Variants in KIAA1958 observed in about 807,000 individuals in gnomAD.
KIAA1958 encodes the protein uncharacterized protein KIAA1958.
A neutral mutation model predicts 47.2 loss-of-function variants in KIAA1958; 14 were observed. The ratio of observed to expected loss-of-function variants is 0.30; its 90% CI spans 0.20 to 0.46. The LOEUF is 0.46. KIAA1958 is among the 20% of genes least tolerant of loss of function. KIAA1958 has a pLI of 1.00. For missense variants in KIAA1958, 803 were observed against 909.2 expected (o/e 0.88, Z 1.50); for synonymous variants, 354 against 353.3 (o/e 1.00, Z -0.02).
chr9:112,580,557 C>T (rs1278250608), intron 2 of KIAA1958, among the ~76,000 whole-genome samples: 1 of 152,100 alleles, frequency 6.6e-6, no homozygotes, highest in East Asian at 1.9e-4. Flanking sequence ...GAGGCCAAGG[C>T]GAGTGGATCA....
In KIAA1958 at chr9:112,545,432, G is replaced by A. The variant is rs556668094; in HGVS notation, c.-24-28625G>A. Among the ~76,000 whole-genome samples the A allele has an allele frequency of 2.0e-4, 31 of 152,292 alleles. No homozygotes were observed. The East Asian group carries it at 5.4e-3, about 27-fold the overall frequency. On this transcript the variant is annotated intron_variant, in intron 1 of 3. Transcript: ENST00000337530. Reference sequence around the variant, plus strand: ...TGAGGGAGAATGGGAAAAAGAATAAGACTGGAAAGGAAGAAACTGTCAAGT... The same window carrying A: ...TGAGGGAGAATGGGAAAAAGAATAAAACTGGAAAGGAAGAAACTGTCAAGT...
At chr9:112,524,126 A>C (rs952316353) in intron 1 of KIAA1958, among the ~76,000 whole-genome samples, 6 of 152,256 alleles carry the variant, frequency 3.9e-5, no homozygotes, top group African/African-American at 1.4e-4. Context: ...CACAGACGTT[A>C]AGAGTTCTGA....
intron 1 of KIAA1958, among the ~76,000 whole-genome samples, chr9:112,542,821 T>G (rs922822248): frequency 4.6e-5 from 7 of 152,024 alleles, no homozygotes; most frequent in Admixed American, 6.5e-5. Flanking sequence ...ACTAAAGAAA[T>G]AAAGGTTCTT....
chr9:112,599,612 G>A (rs1836093940), intron 2 of KIAA1958, among the ~76,000 whole-genome samples: 1 of 152,174 alleles, frequency 6.6e-6, no homozygotes. Context: ...CTGAAAAGGA[G>A]AGCCATATGT....
chr9:112,643,279 A>T (rs1402640804), intron 2 of KIAA1958, among the ~76,000 whole-genome samples: 4 of 152,218 alleles, frequency 2.6e-5, no homozygotes, highest in Non-Finnish European at 5.9e-5. Context: ...TAATTTAAAC[A>T]GCCCAGTGCC....
At chr9:112,560,630 CTG>C (rs1279812251) in intron 1 of KIAA1958, among the ~76,000 whole-genome samples, 1 of 152,194 alleles carries the variant, frequency 6.6e-6, no homozygotes, top group Non-Finnish European at 1.5e-5. Context: ...CGTCACATAA[CTG>C]TATTTCAAGT....
chr9:112,630,578 TA>T (rs1836693131), intron 2 of KIAA1958, among the ~76,000 whole-genome samples: 1 of 152,246 alleles, frequency 6.6e-6, no homozygotes, highest in Non-Finnish European at 1.5e-5. Flanking sequence ...TAGTCAGATA[TA>T]ATTCTCCATG....
chr9:112,520,324 G>A (rs1288463760), intron 1 of KIAA1958, among the ~76,000 whole-genome samples: 2 of 152,154 alleles, frequency 1.3e-5, no homozygotes, highest in African/African-American at 4.8e-5. Flanking sequence ...CAAATAACTA[G>A]AGGCCAAATG....
In KIAA1958 at chr9:112,661,076, A is replaced by G. The variant is rs1837269163; in HGVS notation, c.*1007A>G. 7 of 152,196 alleles carry G rather than the reference A, an allele frequency of 4.6e-5. No homozygotes were observed. 9.4% of individuals were successfully genotyped at this position (152,196 alleles called of 1,614,324 possible). A position where few individuals can be genotyped will look rare whatever the true frequency, so the allele number is the denominator to read the frequency against. On this transcript the variant is annotated 3_prime_UTR_variant, in exon 4 of 4. Coordinates refer to ENST00000337530, the MANE Select transcript of KIAA1958 (RefSeq NM_133465.4). The stretch of plus-strand genomic sequence containing the variant: ...AAGCTGCAAAAAACACAGATCCCCA[A>G]ACTTTCTTTATTAAAGAGATTTGGA...
At position 112,660,173 on chromosome 9, in the gene KIAA1958, C is replaced by G. The variant is rs752507795; in HGVS notation, c.*104C>G. On this transcript the variant is annotated 3_prime_UTR_variant, in exon 4 of 4. Transcript: ENST00000337530. ...CAGGGGCTGACCAGGTGTGACCTCCCGGTCTGGCGGCTCTCCCCTGGTGTG... is the reference window on the plus strand; with the variant it reads ...CAGGGGCTGACCAGGTGTGACCTCCGGGTCTGGCGGCTCTCCCCTGGTGTG... 2 of 958,624 alleles carry G rather than the reference C, an allele frequency of 2.1e-6. No homozygotes were observed. The highest frequency in any genetic ancestry group is 2.5e-5 in the East Asian group (1 of 40,564). The allele number at this position is 958,624 out of a possible 1,614,324, so 59.4% of individuals were successfully genotyped here.
intron 2 of KIAA1958, among the ~76,000 whole-genome samples, chr9:112,602,031 TCAGG>T (rs1836141772): frequency 1.3e-5 from 2 of 152,194 alleles, no homozygotes; most frequent in Middle Eastern, 3.2e-3. Context: ...AGCTTACAAA[TCAGG>T]CTTCAATTAG....
intron 2 of KIAA1958, among the ~76,000 whole-genome samples, chr9:112,585,193 G>A (rs910422632): frequency 1.3e-5 from 2 of 152,158 alleles, no homozygotes; most frequent in Admixed American, 6.5e-5. Context: ...TGCTAGACTG[G>A]TGGAGATAAA....
intron 2 of KIAA1958, among the ~76,000 whole-genome samples, chr9:112,588,531 A>G (rs1037942724): frequency 1.3e-5 from 2 of 152,244 alleles, no homozygotes; most frequent in Non-Finnish European, 2.9e-5. Context: ...CGATTAAACT[A>G]TAATCCCCAG....
chr9:112,522,376 TA>T (rs1187637536), intron 1 of KIAA1958, among the ~76,000 whole-genome samples: 1 of 152,236 alleles, frequency 6.6e-6, no homozygotes, highest in Non-Finnish European at 1.5e-5. Context: ...TTATGCCTAA[TA>T]CTCCAGCAAT....
chr9:112,565,795 A>G (rs1351146718), intron 1 of KIAA1958, among the ~76,000 whole-genome samples: 2 of 152,238 alleles, frequency 1.3e-5, no homozygotes, highest in African/African-American at 4.8e-5. Flanking sequence ...TAATTCTGGA[A>G]AAATATTTTC....
intron 2 of KIAA1958, among the ~76,000 whole-genome samples, chr9:112,607,324 C>T (rs1408737395): frequency 2.0e-5 from 3 of 151,226 alleles, no homozygotes; most frequent in Non-Finnish European, 4.4e-5. Flanking sequence ...CACAGCAAAA[C>T]TCTGTCTCAA....
At chr9:112,651,038 A>C (rs1837047717) in intron 3 of KIAA1958, among the ~76,000 whole-genome samples, 1 of 152,222 alleles carries the variant, frequency 6.6e-6, no homozygotes, top group Admixed American at 6.5e-5. Context: ...ATGAAGCAAA[A>C]GATGATAAAA....
chr9:112,491,258 G>A (rs1288937058), intron 1 of KIAA1958, among the ~76,000 whole-genome samples: 3 of 152,168 alleles, frequency 2.0e-5, no homozygotes, highest in Non-Finnish European at 4.4e-5. Context: ...GAACCACCAC[G>A]TCCAGCCATA....
chr9:112,536,495 A>G (rs1025446560), intron 1 of KIAA1958, among the ~76,000 whole-genome samples: 1 of 152,204 alleles, frequency 6.6e-6, no homozygotes, highest in Non-Finnish European at 1.5e-5. Flanking sequence ...GTTAAGTTGT[A>G]TAATTAAAAA....
Sources: gnomAD v4.1 joint callset for allele counts (sites outside exome capture counted in the v4.1 genomes callset) on GRCh38, gnomAD v4.1.1 for gene constraint, MANE v1.5 for transcripts, NCBI Gene and HGNC (gene_info 2026-07-23, HGNC 2026-07-21) for gene names.